Variants in AFF3 observed in about 807,000 individuals in gnomAD.
AFF3 encodes the protein AF4/FMR2 family member 3.
In AFF3, 32 loss-of-function variants were observed where a neutral mutation model predicts 129.7. The ratio of observed to expected loss-of-function variants is 0.25; its 90% confidence interval spans 0.19 to 0.33. The LOEUF (loss-of-function observed/expected upper bound fraction) is 0.33. AFF3 is among the 10% of genes least tolerant of loss of function. The pLI, the probability that AFF3 is intolerant of heterozygous loss-of-function variation, is 1.00. For missense variants in AFF3, 1,373 were observed against 1,592.0 expected, an observed-to-expected ratio of 0.86 and a Z score of 2.34; for synonymous variants, 644 against 635.4, an observed-to-expected ratio of 1.01 and a Z score of -0.20.
At chr2:99,979,148 G>T (rs1225672631) in intron 7 of AFF3, among the ~76,000 whole-genome samples, 1 of 151,208 alleles carries the variant, frequency 6.6e-6, no homozygotes, top group African/African-American at 2.4e-5. Flanking sequence ...AAAAGATGAG[G>T]ACCGGGACTA....
chr2:100,076,690 TTCC>T (rs1325886912), intron 4 of AFF3, among the ~76,000 whole-genome samples: 2 of 152,168 alleles, frequency 1.3e-5, no homozygotes, highest in Non-Finnish European at 2.9e-5. Flanking sequence ...TCTCCCCTTT[TTCC>T]TTTTAATAAA....
intron 1 of AFF3, among the ~76,000 whole-genome samples, chr2:100,141,056 G>C (rs1383108530): frequency 6.6e-6 from 1 of 152,148 alleles, no homozygotes; most frequent in Non-Finnish European, 1.5e-5. Context: ...CCAGGCACTT[G>C]TCTAAGCACT....
chr2:99,970,089 T>G (rs1008602381), intron 7 of AFF3, among the ~76,000 whole-genome samples: 2 of 152,112 alleles, frequency 1.3e-5, no homozygotes, highest in African/African-American at 4.8e-5. Context: ...GGTAAAGACA[T>G]TTTCTGATAA....
intron 4 of AFF3, among the ~76,000 whole-genome samples, chr2:100,051,979 T>C (rs1490214820): frequency 6.6e-6 from 1 of 152,170 alleles, no homozygotes; most frequent in African/African-American, 2.4e-5. Flanking sequence ...AGACCTGAGA[T>C]GCATTCAAAA....
intron 8 of AFF3, among the ~76,000 whole-genome samples, chr2:99,796,637 G>A (rs1156467525): frequency 6.6e-6 from 1 of 152,208 alleles, no homozygotes; most frequent in African/African-American, 2.4e-5. Flanking sequence ...TTGCTGCTCA[G>A]GACACAAGAG....
chr2:99,759,248 A>G (rs555366059), intron 8 of AFF3, among the ~76,000 whole-genome samples: 6 of 152,330 alleles, frequency 3.9e-5, no homozygotes, highest in East Asian at 1.9e-4. Flanking sequence ...CCAACCATTT[A>G]TCTCTCTTTG....
At chr2:99,661,629 A>C (rs1325472856) in intron 12 of AFF3, among the ~76,000 whole-genome samples, 3 of 152,248 alleles carry the variant, frequency 2.0e-5, no homozygotes, top group Admixed American at 2.0e-4. Context: ...AAAATATTTT[A>C]GGAAACAGCG....
At chr2:99,923,325 A>T (rs1053918238) in intron 7 of AFF3, among the ~76,000 whole-genome samples, 1 of 152,246 alleles carries the variant, frequency 6.6e-6, no homozygotes, top group Non-Finnish European at 1.5e-5. Flanking sequence ...GGTCTGAATC[A>T]CATTTGTGAT....
chr2:100,112,508 A>G (rs1691553647), intron 2 of AFF3: 2 of 151,774 alleles, frequency 1.3e-5, no homozygotes, highest in African/African-American at 4.8e-5. Context: ...CCTGGGCGAC[A>G]TGGTGAGACC....
intron 11 of AFF3, among the ~76,000 whole-genome samples, chr2:99,675,902 A>G (rs763264388): frequency 5.9e-5 from 9 of 152,136 alleles, no homozygotes; most frequent in Non-Finnish European, 1.3e-4. Flanking sequence ...ATAAACAAAC[A>G]AAAGTGTTCA....
chr2:99,914,233 C>T (rs1204056631), intron 7 of AFF3, among the ~76,000 whole-genome samples: 1 of 152,182 alleles, frequency 6.6e-6, no homozygotes, highest in East Asian at 1.9e-4. Flanking sequence ...ACCAGCATCT[C>T]TCCTGGGTAT....
intron 13 of AFF3, among the ~76,000 whole-genome samples, chr2:99,644,759 A>T (rs939987081): frequency 2.6e-5 from 4 of 152,222 alleles, no homozygotes; most frequent in Non-Finnish European, 5.9e-5. Flanking sequence ...TATTCAAGGC[A>T]CTTCATATGC....
chr2:100,129,416 G>GTGTGTGTGTGTATA (rs1491429504), intron 1 of AFF3, 110 bp from the exon 2 acceptor site: 10 of 141,496 alleles, frequency 7.1e-5, no homozygotes, highest in African/African-American at 1.8e-4. Flanking sequence ...GTGTGTGTGT[G>GTGTGTGTGTGTATA]TATACATATT....
intron 2 of AFF3, among the ~76,000 whole-genome samples, chr2:100,113,234 G>A (rs746495883): frequency 2.6e-5 from 4 of 152,146 alleles, no homozygotes; most frequent in Non-Finnish European, 5.9e-5. Context: ...CCTATTACAT[G>A]CCAAGCAGTG....
intron 22 of AFF3, among the ~76,000 whole-genome samples, chr2:99,556,869 C>G (rs918529017): frequency 6.6e-6 from 1 of 151,698 alleles, no homozygotes; most frequent in Non-Finnish European, 1.5e-5. Context: ...CTGCAGTGAG[C>G]TCCGACTGTA....
chr2:99,764,871 A>C (rs1344464324), intron 8 of AFF3, among the ~76,000 whole-genome samples: 2 of 152,142 alleles, frequency 1.3e-5, no homozygotes, highest in African/African-American at 4.8e-5. Flanking sequence ...TCATGATGAG[A>C]AGCAATAATT....
At chr2:100,039,452 C>T (rs982006851) in intron 4 of AFF3, among the ~76,000 whole-genome samples, 1 of 151,998 alleles carries the variant, frequency 6.6e-6, no homozygotes, top group African/African-American at 2.4e-5. Flanking sequence ...CTGCTACTTG[C>T]GAGGCTGAGG....
At chr2:99,901,950 G>A (rs1186112994) in intron 7 of AFF3, among the ~76,000 whole-genome samples, 2 of 151,210 alleles carry the variant, frequency 1.3e-5, no homozygotes, top group African/African-American at 2.4e-5. Context: ...TCCACGTTCC[G>A]GCCTCTTTCC....
intron 11 of AFF3, among the ~76,000 whole-genome samples, chr2:99,682,063 C>A (rs1674587826): frequency 6.6e-6 from 1 of 152,082 alleles, no homozygotes. Context: ...CCTGCCACCA[C>A]ACCCGGCTCA....
Sources: gnomAD v4.1 joint callset for allele counts (sites outside exome capture counted in the v4.1 genomes callset) on GRCh38, gnomAD v4.1.1 for gene constraint, MANE v1.5 for transcripts, NCBI Gene and HGNC (gene_info 2026-07-23, HGNC 2026-07-21) for gene names.